SLCO1B1: variants seen among roughly 807,000 people sequenced by gnomAD.
The protein encoded by SLCO1B1 is solute carrier organic anion transporter family member 1B1, also known as OATP-2.
In SLCO1B1, 81 loss-of-function variants were observed where a neutral mutation model predicts 70.1. The observed-to-expected ratio is 1.16, with a 90% CI of 0.97 to 1.39. The LOEUF is 1.39. SLCO1B1 is among the 40% of genes most tolerant of loss of function. SLCO1B1 has a pLI of 0.00. For synonymous variants in SLCO1B1, 283 were observed against 271.5 expected (o/e 1.04, Z -0.42); for missense variants, 895 against 799.6 (o/e 1.12, Z -1.44).
At position 21,216,671 on chromosome 12, in the gene SLCO1B1, C is replaced by T. The variant is rs573722713; in HGVS notation, c.1498-448C>T. On this transcript the variant is annotated intron_variant, in intron 11 of 14. Transcript: ENST00000256958. ...CTCAGTGCCATTTTCATGGGTGACT[C>T]CAGTTAAATTTTGATTACTCCCAAA... Among the ~76,000 whole-genome samples, 3 of 152,166 alleles carry T rather than the reference C, an allele frequency of 2.0e-5. No homozygotes were observed. The East Asian group carries it at 5.8e-4, about 29-fold the overall frequency.
chr12:21,208,295 T>G (rs1022566871), intron 11 of SLCO1B1, among the ~76,000 whole-genome samples: 1 of 152,154 alleles, frequency 6.6e-6, no homozygotes, highest in South Asian at 2.1e-4. Flanking sequence ...TAATACATTT[T>G]GATTAAATTT....
At chr12:21,181,312 C>G (rs565219392) in intron 7 of SLCO1B1, among the ~76,000 whole-genome samples, 2 of 152,136 alleles carry the variant, frequency 1.3e-5, no homozygotes, top group East Asian at 3.9e-4. Context: ...CCCTTAGTTA[C>G]TATGTGTAGA....
chr12:21,164,858 A>T (rs546782219), intron 2 of SLCO1B1: 1 of 486,832 alleles, frequency 2.1e-6, no homozygotes, highest in South Asian at 1.5e-5. Flanking sequence ...ATAACATTAC[A>T]AACTTATGGC....
Position 21,224,724 on chromosome 12 carries a change from G to A in SLCO1B1, c.1750G>A (p.Gly584Arg), listed in dbSNP as rs758717964. ...CATCTTCTCTTCTCCTATTACAGGA[G>A]GAATTCTAGCTCCAATATATTTTGG... The part of the protein sequence containing the change: ...FHSMVIRALG[G>R]ILAPIYFGAL... Residue 584 changes from glycine (G) to arginine (R), a missense_variant and splice_region_variant, in exon 14 of 15, where the codon GGA becomes AGA. Transcript: ENST00000256958. 1.9e-6 allele frequency: 3 copies of A among 1,583,502 alleles called. No homozygotes were observed. The highest frequency in any genetic ancestry group is 2.2e-5 in the South Asian group (2 of 90,324).
intron 2 of SLCO1B1, among the ~76,000 whole-genome samples, chr12:21,143,943 T>G (rs575848788): frequency 1.3e-5 from 2 of 152,192 alleles, no homozygotes; most frequent in East Asian, 3.9e-4. Context: ...ACACAGCAGG[T>G]GGCAATATAT....
intron 2 of SLCO1B1, among the ~76,000 whole-genome samples, chr12:21,149,826 G>A (rs1190004909): frequency 2.0e-5 from 3 of 152,074 alleles, no homozygotes; most frequent in Admixed American, 1.3e-4. Context: ...AAACCCCAGT[G>A]GTGCCTGGGA....
chr12:21,207,815 T>C (rs1941231609), intron 11 of SLCO1B1, among the ~76,000 whole-genome samples: 3 of 151,950 alleles, frequency 2.0e-5, no homozygotes, highest in Admixed American at 2.0e-4. Flanking sequence ...GTTTTTTTAA[T>C]GTTTTGAACC....
At chr12:21,162,277 GA>G (rs1027489871) in intron 2 of SLCO1B1, among the ~76,000 whole-genome samples, 1 of 151,890 alleles carries the variant, frequency 6.6e-6, no homozygotes, top group Non-Finnish European at 1.5e-5. Flanking sequence ...CAATTTAATT[GA>G]CTATATTTTT....
At chr12:21,167,091 T>C (rs1008007080) in intron 2 of SLCO1B1, among the ~76,000 whole-genome samples, 1 of 152,230 alleles carries the variant, frequency 6.6e-6, no homozygotes. Context: ...AATTTTATTT[T>C]ATAAATGCTT....
intron 1 of SLCO1B1, among the ~76,000 whole-genome samples, chr12:21,136,820 T>C (rs1037313724): frequency 9.9e-5 from 15 of 152,228 alleles, no homozygotes; most frequent in Non-Finnish European, 1.9e-4. Context: ...TGAAGCCTTC[T>C]TCTCTCAACT....
intron 4 of SLCO1B1, among the ~76,000 whole-genome samples, chr12:21,175,304 G>A (rs1591809095): frequency 6.6e-6 from 1 of 152,222 alleles, no homozygotes; most frequent in East Asian, 1.9e-4. Flanking sequence ...CAAGATAGAA[G>A]AAGAAAAGAA....
chr12:21,143,490 A>C (rs543932937), intron 2 of SLCO1B1, among the ~76,000 whole-genome samples: 5 of 152,094 alleles, frequency 3.3e-5, no homozygotes, highest in Non-Finnish European at 4.4e-5. Context: ...AGCATTTACT[A>C]TATGCCAGAC....
At chr12:21,137,953 G>C (rs1014381507) in intron 1 of SLCO1B1, among the ~76,000 whole-genome samples, 2 of 152,194 alleles carry the variant, frequency 1.3e-5, no homozygotes, top group Non-Finnish European at 1.5e-5. Flanking sequence ...GTAGACCAGA[G>C]CTGTTCCTAT....
chr12:21,150,014 G>T (rs1940446254), intron 2 of SLCO1B1, among the ~76,000 whole-genome samples: 1 of 152,082 alleles, frequency 6.6e-6, no homozygotes, highest in South Asian at 2.1e-4. Context: ...AGCTTGGTAG[G>T]GGGAGGGGTG....
At chr12:21,180,659 C>T (rs891037916) in intron 7 of SLCO1B1, among the ~76,000 whole-genome samples, 1 of 152,120 alleles carries the variant, frequency 6.6e-6, no homozygotes, top group Non-Finnish European at 1.5e-5. Flanking sequence ...AAAGTGTTTG[C>T]TAATCTAAAA....
At chr12:21,212,930 C>T (rs1941305921) in intron 11 of SLCO1B1, among the ~76,000 whole-genome samples, 1 of 151,968 alleles carries the variant, frequency 6.6e-6, no homozygotes, top group African/African-American at 2.4e-5. Context: ...GATCTTCCTC[C>T]ATCCTTTTAT....
chr12:21,159,072 A>C (rs1049790077), intron 2 of SLCO1B1, among the ~76,000 whole-genome samples: 1 of 152,194 alleles, frequency 6.6e-6, no homozygotes, highest in African/African-American at 2.4e-5. Flanking sequence ...TGAATTATAA[A>C]AGTTATGAGA....
At chr12:21,226,401 G>A (rs1048878554) in intron 14 of SLCO1B1, among the ~76,000 whole-genome samples, 3 of 150,520 alleles carry the variant, frequency 2.0e-5, no homozygotes, top group African/African-American at 7.3e-5. Flanking sequence ...CTGACAGAGC[G>A]AGACTCTGTC....
At chr12:21,228,836 C>T (rs1247806336) in intron 14 of SLCO1B1, among the ~76,000 whole-genome samples, 6 of 152,078 alleles carry the variant, frequency 3.9e-5, no homozygotes, top group Non-Finnish European at 2.9e-5. Flanking sequence ...GGAAATGCTC[C>T]GGGCTTAGCT....
Sources: gnomAD v4.1 joint callset for allele counts (sites outside exome capture counted in the v4.1 genomes callset) on GRCh38, gnomAD v4.1.1 for gene constraint, MANE v1.5 for transcripts, NCBI Gene and HGNC (gene_info 2026-07-23, HGNC 2026-07-21) for gene names.